SOBP: variants seen among roughly 807,000 people sequenced by gnomAD.
The protein encoded by SOBP is sine oculis binding protein homolog.
Under a neutral mutation model 53.6 loss-of-function variants are expected in SOBP, and 4 were observed. That is an observed-to-expected ratio of 0.07 (90% confidence interval 0.04 to 0.17). SOBP has a LOEUF of 0.17. Ranked by LOEUF, SOBP falls within the 10% of genes least tolerant of loss-of-function variation. The pLI, the probability that SOBP is intolerant of heterozygous loss-of-function variation, is 1.00. For missense variants in SOBP, 1,088 were observed against 1,204.7 expected (o/e 0.90, Z 1.43); for synonymous variants, 584 against 522.6 (o/e 1.12, Z -1.60).
chr6:107,503,535 A>G, intron 1 of SOBP, 122 bp from the exon 2 acceptor site: 3 of 1,050,020 alleles, frequency 2.9e-6, no homozygotes, highest in Non-Finnish European at 4.4e-6. Context: ...TGAACACCAC[A>G]CTAGGGGAAG....
chr6:107,570,791 G>A (rs139890410), intron 4 of SOBP, among the ~76,000 whole-genome samples: 382 of 152,344 alleles, frequency 2.5e-3, no homozygotes, highest in African/African-American at 8.5e-3. Context: ...TGTAATAGCA[G>A]TGCTATCACA....
chr6:107,562,070 G>A (rs190251482), intron 4 of SOBP, among the ~76,000 whole-genome samples: 125 of 143,580 alleles, frequency 8.7e-4, no homozygotes, highest in African/African-American at 3.0e-3. Flanking sequence ...TCACTTTGTC[G>A]CCCAGGCTGG....
chr6:107,542,877 A>G lies in SOBP; in HGVS notation c.573+9267A>G, dbSNP rs1181254583. 3.9e-5 allele frequency among the ~76,000 whole-genome samples: 6 copies of G among 152,106 alleles called. No individual in the cohort carries two copies. In the East Asian group the frequency reaches 5.8e-4, roughly 15 times the overall value. Reference sequence around the variant, plus strand: ...GTAGGGCAGGTGGGGCTTGTCCCCAACCCGGTAGAGAGGTTAGGGCCTCAG... The same window carrying G: ...GTAGGGCAGGTGGGGCTTGTCCCCAGCCCGGTAGAGAGGTTAGGGCCTCAG... On this transcript the variant is annotated intron_variant, in intron 4 of 6. Coordinates refer to ENST00000317357, the MANE Select transcript of SOBP (RefSeq NM_018013.4).
chr6:107,532,841 C>G (rs1466890520), intron 3 of SOBP, among the ~76,000 whole-genome samples: 1 of 152,250 alleles, frequency 6.6e-6, no homozygotes, highest in African/African-American at 2.4e-5. Context: ...TTGTCAGAGT[C>G]TGTTCAGCGA....
chr6:107,657,845 A>G (rs1313167289), intron 6 of SOBP, among the ~76,000 whole-genome samples: 4 of 152,054 alleles, frequency 2.6e-5, no homozygotes, highest in Non-Finnish European at 5.9e-5. Context: ...TGTCTCAAAA[A>G]AAAAAAAAAG....
intron 3 of SOBP, among the ~76,000 whole-genome samples, chr6:107,532,814 A>C (rs1057425024): frequency 6.6e-6 from 1 of 152,178 alleles, no homozygotes; most frequent in African/African-American, 2.4e-5. Flanking sequence ...TTAGGACACC[A>C]GTGCCGGAAG....
At chr6:107,540,829 C>G (rs771574915) in intron 4 of SOBP, among the ~76,000 whole-genome samples, 21 of 152,172 alleles carry the variant, frequency 1.4e-4, no homozygotes, top group Non-Finnish European at 2.4e-4. Flanking sequence ...CTGAGGCTCA[C>G]TGTGTCTATG....
chr6:107,534,118 T>C (rs1476674854), intron 4 of SOBP, among the ~76,000 whole-genome samples: 1 of 152,192 alleles, frequency 6.6e-6, no homozygotes, highest in Non-Finnish European at 1.5e-5. Context: ...TTAAAGCTGA[T>C]TGATATTGAG....
intron 5 of SOBP, among the ~76,000 whole-genome samples, chr6:107,590,310 GA>G (rs1224443642): frequency 1.3e-5 from 2 of 152,162 alleles, no homozygotes; most frequent in African/African-American, 4.8e-5. Flanking sequence ...AGGGTTTTGA[GA>G]AGGAACTGAA....
intron 4 of SOBP, among the ~76,000 whole-genome samples, chr6:107,553,297 A>ATTTTATTT (rs1784515718): frequency 8.6e-6 from 1 of 115,894 alleles, no homozygotes; most frequent in East Asian, 3.5e-4. Flanking sequence ...GCTTATTATT[A>ATTTTATTT]TTTTATTTAT....
chr6:107,523,191 T>C (rs1204530878), intron 3 of SOBP, among the ~76,000 whole-genome samples: 18 of 151,986 alleles, frequency 1.2e-4, no homozygotes, highest in Admixed American at 1.2e-3. Context: ...GAGAGAAGAG[T>C]GCTCTGAAGG....
At chr6:107,492,229 AAC>A (rs1782597134) in intron 1 of SOBP, among the ~76,000 whole-genome samples, 1 of 152,074 alleles carries the variant, frequency 6.6e-6, no homozygotes, top group Non-Finnish European at 1.5e-5. Flanking sequence ...ACAAAATTCA[AAC>A]AGTCCATAAT....
At chr6:107,606,107 C>A in intron 5 of SOBP, among the ~76,000 whole-genome samples, 2 of 107,546 alleles carry the variant, frequency 1.9e-5, no homozygotes, top group East Asian at 3.1e-4. Context: ...AAGGGAGTCT[C>A]ATTCTATCTC....
chr6:107,614,004 G>A (rs971473067), intron 5 of SOBP, among the ~76,000 whole-genome samples: 20 of 152,220 alleles, frequency 1.3e-4, no homozygotes, highest in African/African-American at 4.8e-4. Context: ...TGCAGGTTCA[G>A]AAGTATGTTG....
At chr6:107,593,926 T>C (rs1353258697) in intron 5 of SOBP, among the ~76,000 whole-genome samples, 1 of 152,248 alleles carries the variant, frequency 6.6e-6, no homozygotes, top group African/African-American at 2.4e-5. Context: ...CCACTTGCCT[T>C]TTTATGCCTA....
intron 4 of SOBP, among the ~76,000 whole-genome samples, chr6:107,574,600 C>G (rs981775289): frequency 6.6e-6 from 1 of 152,114 alleles, no homozygotes; most frequent in Non-Finnish European, 1.5e-5. Flanking sequence ...TGTCTCCTTC[C>G]CCATCTCTAC....
intron 4 of SOBP, among the ~76,000 whole-genome samples, chr6:107,536,622 G>T (rs914184124): frequency 3.3e-5 from 5 of 152,222 alleles, no homozygotes; most frequent in South Asian, 2.1e-4. Context: ...AGGTGGGATG[G>T]ATTGAAGCCA....
intron 5 of SOBP, among the ~76,000 whole-genome samples, chr6:107,623,177 C>A (rs572627056): frequency 6.6e-6 from 1 of 152,064 alleles, no homozygotes; most frequent in Non-Finnish European, 1.5e-5. Context: ...GGATTTGGTC[C>A]GACAATCAGA....
rs1772242182 is a variant in SOBP at position 107,660,239 on chromosome 6, CT to C, written c.*2037del. On this transcript the variant is annotated 3_prime_UTR_variant, in exon 7 of 7. Transcript: ENST00000317357. The stretch of plus-strand genomic sequence containing the variant: ...TACAGAGGTGTTCATTTTTCTCCCC[CT>C]GGGAAACATTTTAAAAAATAGAACT... 6.6e-6 allele frequency: 1 copy of C among 152,262 alleles called. No individual in the cohort carries two copies. The highest frequency in any genetic ancestry group is 2.4e-5 in the African/African-American group (1 of 41,338). 9.4% of individuals were successfully genotyped at this position (152,262 alleles called of 1,614,324 possible). A position where few individuals can be genotyped will look rare whatever the true frequency, so the allele number is the denominator to read the frequency against.
Sources: gnomAD v4.1 joint callset for allele counts (sites outside exome capture counted in the v4.1 genomes callset) on GRCh38, gnomAD v4.1.1 for gene constraint, MANE v1.5 for transcripts, NCBI Gene and HGNC (gene_info 2026-07-23, HGNC 2026-07-21) for gene names.